Variants in ERBB4 observed in about 807,000 individuals in gnomAD.
The protein encoded by ERBB4 is erb-b2 receptor tyrosine kinase 4, also known as receptor tyrosine-protein kinase erbB-4.
A neutral mutation model predicts 158.0 loss-of-function variants in ERBB4; 42 were observed. The ratio of observed to expected loss-of-function variants is 0.27; its 90% CI spans 0.21 to 0.34. ERBB4 has a LOEUF of 0.34. Ranked by LOEUF, ERBB4 falls within the 10% of genes least tolerant of loss-of-function variation. The pLI is 1.00. For synonymous variants in ERBB4, 583 were observed against 558.7 expected, an observed-to-expected ratio of 1.04 and a Z score of -0.61; for missense variants, 1,333 against 1,624.1, an observed-to-expected ratio of 0.82 and a Z score of 3.08.
At chr2:211,629,708 A>G (rs1375921440) in intron 17 of ERBB4, among the ~76,000 whole-genome samples, 1 of 152,116 alleles carries the variant, frequency 6.6e-6, no homozygotes, top group African/African-American at 2.4e-5. Context: ...GATATAGACC[A>G]ATGGAACAGA....
intron 4 of ERBB4, among the ~76,000 whole-genome samples, chr2:211,752,252 C>T (rs1031961503): frequency 6.6e-6 from 1 of 151,802 alleles, no homozygotes; most frequent in Non-Finnish European, 1.5e-5. Context: ...GACTGTGAGA[C>T]AAAATAGGAA....
At chr2:211,775,287 G>A (rs1385821887) in intron 4 of ERBB4, among the ~76,000 whole-genome samples, 1 of 152,090 alleles carries the variant, frequency 6.6e-6, no homozygotes. Flanking sequence ...GGTTTTGGGG[G>A]ACTTGGCTAT....
At chr2:211,403,847 G>A (rs2063094342) in intron 25 of ERBB4, among the ~76,000 whole-genome samples, 1 of 152,006 alleles carries the variant, frequency 6.6e-6, no homozygotes, top group Admixed American at 6.6e-5. Flanking sequence ...GCCAGGTATG[G>A]TTTTGAATAC....
At chr2:212,444,938 C>G (rs150857863) in intron 1 of ERBB4, among the ~76,000 whole-genome samples, 115 of 151,792 alleles carry the variant, frequency 7.6e-4, no homozygotes, top group African/African-American at 2.6e-3. Flanking sequence ...GTTTGCCTAT[C>G]TTGCATGCCA....
intron 2 of ERBB4, among the ~76,000 whole-genome samples, chr2:212,088,296 A>G (rs1285815291): frequency 6.6e-6 from 1 of 152,174 alleles, no homozygotes; most frequent in East Asian, 1.9e-4. Flanking sequence ...ATAGTAGGAC[A>G]TGAAGGAAAT....
intron 5 of ERBB4, 66 bp downstream of exon 5, chr2:211,750,573 A>T: frequency 7.4e-7 from 1 of 1,354,270 alleles, no homozygotes; most frequent in Non-Finnish European, 1.1e-6. Flanking sequence ...AGAGGCATGA[A>T]ATGGACCAAT....
chr2:211,564,012 G>C (rs1280321983), intron 19 of ERBB4, among the ~76,000 whole-genome samples: 1 of 152,060 alleles, frequency 6.6e-6, no homozygotes, highest in Non-Finnish European at 1.5e-5. Flanking sequence ...ATTTAACATG[G>C]TATGGCAGAT....
chr2:212,250,522 A>T (rs1294730586), intron 1 of ERBB4, among the ~76,000 whole-genome samples: 1 of 152,010 alleles, frequency 6.6e-6, no homozygotes, highest in African/African-American at 2.4e-5. Flanking sequence ...CGAGATATTT[A>T]ACTTCATTGA....
At chr2:212,372,577 G>A (rs948999176) in intron 1 of ERBB4, among the ~76,000 whole-genome samples, 6 of 151,888 alleles carry the variant, frequency 4.0e-5, no homozygotes, top group Non-Finnish European at 5.9e-5. Context: ...ATAAAACCCC[G>A]TATCTAGTAA....
At chr2:211,562,119 C>T in intron 19 of ERBB4, 31 bp from the exon 20 acceptor site, 1 of 1,596,196 alleles carries the variant, frequency 6.3e-7, no homozygotes, top group East Asian at 2.2e-5. Context: ...ACCATGATTT[C>T]AACTCAAATT....
chr2:212,015,814 A>G (rs972819366), intron 2 of ERBB4, among the ~76,000 whole-genome samples: 2 of 152,148 alleles, frequency 1.3e-5, no homozygotes, highest in African/African-American at 4.8e-5. Flanking sequence ...TGAACTTCCA[A>G]GTGCCAGTAC....
intron 3 of ERBB4, among the ~76,000 whole-genome samples, chr2:211,884,469 C>T (rs2078743419): frequency 6.6e-6 from 1 of 151,982 alleles, no homozygotes; most frequent in African/African-American, 2.4e-5. Context: ...TATATGAATT[C>T]CCTAGGTTTT....
At chr2:212,405,014 G>T (rs925479501) in intron 1 of ERBB4, among the ~76,000 whole-genome samples, 1 of 151,852 alleles carries the variant, frequency 6.6e-6, no homozygotes, top group Admixed American at 6.6e-5. Flanking sequence ...AATATTCCTT[G>T]GTATATATGT....
intron 1 of ERBB4, among the ~76,000 whole-genome samples, chr2:212,129,902 A>G (rs1015709579): frequency 2.0e-5 from 3 of 152,044 alleles, no homozygotes; most frequent in African/African-American, 7.2e-5. Context: ...AATCCACAGT[A>G]TATTCATCAT....
intron 3 of ERBB4, among the ~76,000 whole-genome samples, chr2:211,790,597 G>A (rs530641506): frequency 6.6e-6 from 1 of 152,144 alleles, no homozygotes; most frequent in South Asian, 2.1e-4. Flanking sequence ...AAGGGATTTA[G>A]AAAGGAGACA....
chr2:211,448,206 C>T (rs1307752869), intron 20 of ERBB4, among the ~76,000 whole-genome samples: 1 of 152,066 alleles, frequency 6.6e-6, no homozygotes, highest in Non-Finnish European at 1.5e-5. Context: ...CTCCTGACCT[C>T]AAGTGATCCA....
chr2:212,469,757 T>C (rs1300697369), intron 1 of ERBB4, among the ~76,000 whole-genome samples: 1 of 152,136 alleles, frequency 6.6e-6, no homozygotes, highest in Non-Finnish European at 1.5e-5. Context: ...TTTCAATGCC[T>C]TCCAAAATTC....
chr2:211,658,140 C>T (rs2071288428), intron 15 of ERBB4: 1 of 549,174 alleles, frequency 1.8e-6, no homozygotes, highest in Non-Finnish European at 3.2e-6. Flanking sequence ...AAGATTTTTG[C>T]TTGATGAATA....
chr2:212,503,747 T>A (rs1050903074), intron 1 of ERBB4, among the ~76,000 whole-genome samples: 4 of 152,218 alleles, frequency 2.6e-5, no homozygotes, highest in Admixed American at 1.3e-4. Context: ...AAGCATTACG[T>A]GACCTTTAGA....
Sources: allele counts gnomAD v4.1 joint callset (sites outside exome capture counted in the v4.1 genomes callset), GRCh38; gene constraint gnomAD v4.1.1; transcripts MANE v1.5; gene names NCBI Gene and HGNC (gene_info 2026-07-23, HGNC 2026-07-21).